Variants in NPC1L1 observed in about 807,000 individuals in gnomAD.
NPC1L1 encodes the protein NPC1 like intracellular cholesterol transporter 1.
In NPC1L1, 98 loss-of-function variants were observed where a neutral mutation model predicts 117.0. The observed-to-expected ratio is 0.84, with a 90% confidence interval of 0.71 to 0.99. The LOEUF (loss-of-function observed/expected upper bound fraction) is 0.99. Ranked by LOEUF, NPC1L1 falls within the 50% of genes least tolerant of loss-of-function variation. The pLI, the probability that NPC1L1 is intolerant of heterozygous loss-of-function variation, is 0.00. For synonymous variants in NPC1L1, 729 were observed against 727.6 expected (o/e 1.00, Z -0.03); for missense variants, 1,540 against 1,710.0 (o/e 0.90, Z 1.75).
At position 44,521,838 on chromosome 7, in the gene NPC1L1, T is replaced by C; in HGVS notation, c.2829-2A>G. On this transcript the variant is annotated splice_acceptor_variant, in intron 11 of 18. Transcript: ENST00000381160. LOFTEE classifies it high-confidence loss of function. Reference sequence around the variant, plus strand: ...GAGGCAGGGATGGCCAGGTAAGACCTAAGGGGCAGGTGGGAGGAAGGGTGA... The same window carrying C: ...GAGGCAGGGATGGCCAGGTAAGACCCAAGGGGCAGGTGGGAGGAAGGGTGA... 3.1e-6 allele frequency: 5 copies of C among 1,613,954 alleles called. No individual in the cohort carries two copies. The highest frequency in any genetic ancestry group is 4.2e-6 in the Non-Finnish European group (5 of 1,179,968).
At chr7:44,527,657 G>A (rs1227889810) in intron 10 of NPC1L1, among the ~76,000 whole-genome samples, 1 of 151,878 alleles carries the variant, frequency 6.6e-6, no homozygotes, top group East Asian at 1.9e-4. Context: ...CTCAGCCTGG[G>A]CAACAGAGCA....
rs1010611067 is a variant in NPC1L1, at chr7:44,536,501, T to C, written c.1682-73A>G. 6.8e-5 allele frequency: 102 copies of C among 1,502,266 alleles called. No individual in the cohort carries two copies. The highest frequency in any genetic ancestry group is 1.1e-4 in the African/African-American group (8 of 72,370). The allele number at this position is 1,502,266 out of a possible 1,614,324, so 93.1% of individuals were successfully genotyped here. On this transcript the variant is annotated intron_variant, in intron 3 of 18. Transcript: ENST00000381160. This position sits in a 1 kb window ranked among gnomAD's most constrained non-coding sequence, Gnocchi z 4.7. The stretch of plus-strand genomic sequence containing the variant: ...TCCCCCTCCAGCTGCACCCCTATAT[T>C]CCCTCCCCCTATCTAGCTGCACCCC...
chr7:44,521,267 G>A, intron 12 of NPC1L1, 149 bp from the exon 13 acceptor site: 1 of 1,114,316 alleles, frequency 9.0e-7, no homozygotes, highest in Non-Finnish European at 1.3e-6. Context: ...TGTCATTTGT[G>A]GGAGAAGTTC....
Position 44,527,398 on chromosome 7 carries a change from G to A in NPC1L1, c.2637+4357C>T, listed in dbSNP as rs754069656. ...CTTGAACTCGGGAGGCAGAGGTTGC[G>A]GTGAGCTGAGATCATGCCACTGCAC... On this transcript the variant is annotated intron_variant, in intron 10 of 18. Coordinates refer to ENST00000381160, the MANE Select transcript of NPC1L1 (RefSeq NM_001101648.2). Among the ~76,000 whole-genome samples the A allele has an allele frequency of 2.4e-4, 36 of 147,760 alleles. 1 individual carries two copies. The highest frequency in any genetic ancestry group is 3.4e-3 in the Middle Eastern group (1 of 296).
At position 44,521,122 on chromosome 7, in the gene NPC1L1, C is replaced by G; in HGVS notation, c.2954-4G>C. The G allele has an allele frequency of 6.2e-7, 1 of 1,614,100 alleles. No individual in the cohort carries two copies. Among genetic ancestry groups the G allele is most frequent in the Non-Finnish European group, 8.5e-7 (1 of 1,180,042 alleles). ...TTCTTTAGGCAGTTCAGAGAGTCTG[C>G]AGAGAAAGCAGGGGTCTGGGCAGTG... On this transcript the variant is annotated splice_polypyrimidine_tract_variant and splice_region_variant and intron_variant, in intron 12 of 18. Coordinates refer to ENST00000381160, the MANE Select transcript of NPC1L1 (RefSeq NM_001101648.2).
chr7:44,535,060 C>T (rs1353868490), intron 5 of NPC1L1, among the ~76,000 whole-genome samples: 2 of 151,626 alleles, frequency 1.3e-5, no homozygotes, highest in African/African-American at 4.8e-5. Context: ...AAGCGAGACC[C>T]CATCTCTACA....
intron 10 of NPC1L1, among the ~76,000 whole-genome samples, chr7:44,527,598 T>A (rs1801562689): frequency 6.6e-6 from 1 of 152,104 alleles, no homozygotes; most frequent in Non-Finnish European, 1.5e-5. Context: ...GAGGATCTTT[T>A]GAGGCCAGGA....
rs1293774804 is a variant in NPC1L1 at position 44,516,713 on chromosome 7, T to C, written c.3509A>G (p.Asn1170Ser). The change falls in exon 16 of 19, where the codon AAC becomes AGC. Residue 1170 changes from asparagine (N) to serine (S), a missense_variant. By Grantham distance (46) the Asn-to-Ser change is conservative. Transcript: ENST00000381160. The part of the protein sequence containing the change: ...GISYNAVSLI[N>S]LVSAVGMSVE... ...TGTCTGCTGGGTTACCGAGACCAGG[T>C]TGATGAGGGACACAGCATTGTAACT... 1 of 1,609,174 alleles carries C rather than the reference T, an allele frequency of 6.2e-7. No individual in the cohort carries two copies. The highest frequency in any genetic ancestry group is 8.5e-7 in the Non-Finnish European group (1 of 1,177,926).
intron 10 of NPC1L1, among the ~76,000 whole-genome samples, chr7:44,522,596 G>A (rs1025472787): frequency 1.3e-5 from 2 of 152,078 alleles, no homozygotes; most frequent in African/African-American, 4.8e-5. Context: ...ACACTCAGGG[G>A]TACCCTCAAG....
At chr7:44,519,558 G>T (rs1801289636) in intron 14 of NPC1L1, among the ~76,000 whole-genome samples, 2 of 152,182 alleles carry the variant, frequency 1.3e-5, no homozygotes, top group Admixed American at 1.3e-4. Flanking sequence ...TCAGCCAGCA[G>T]TTCAAACTAT....
intron 10 of NPC1L1, among the ~76,000 whole-genome samples, chr7:44,523,212 C>G (rs958773582): frequency 1.2e-4 from 18 of 152,132 alleles, no homozygotes; most frequent in Admixed American, 9.8e-4. Context: ...TGTGCCACCG[C>G]TCCCAGCTGA....
chr7:44,527,001 G>A (rs1309924012), intron 10 of NPC1L1, among the ~76,000 whole-genome samples: 2 of 152,064 alleles, frequency 1.3e-5, no homozygotes, highest in Non-Finnish European at 2.9e-5. Context: ...TCCAGCCTGG[G>A]CGACAAGAGT....
In NPC1L1 at chr7:44,533,611, T is replaced by C. The variant is rs199857037; in HGVS notation, c.2282-53A>G. 41 of 1,613,512 alleles carry C rather than the reference T, an allele frequency of 2.5e-5. No individual in the cohort carries two copies. In the Admixed American group the frequency reaches 3.3e-4, roughly 13 times the overall value. ...CACCCTGGCTTCAAGGGCAGAGTGG[T>C]AGCCGACATTGACAGGGTGCAGGGG... On this transcript the variant is annotated intron_variant, in intron 7 of 18. Transcript: ENST00000381160.
In NPC1L1 at chr7:44,539,353, C is replaced by T. The variant is rs747696584; in HGVS notation, c.1044G>A (p.Val348=). The T allele has an allele frequency of 4.1e-5, 66 of 1,613,254 alleles. No homozygotes were observed. The highest frequency in any genetic ancestry group is 5.5e-5 in the Non-Finnish European group (65 of 1,179,428). ...GQFFQGWGTW[V]ASWPLTILVL... is the part of the protein sequence containing the mutation. ...CCAAGATGGTCAGAGGCCACGAAGC[C>T]ACCCACGTGCCCCAGCCCTGGAAGA... Residue 348 remains valine (V), a synonymous_variant, in exon 2 of 19, where the codon GTG becomes GTA. Transcript: ENST00000381160. This position sits in a 1 kb window ranked among gnomAD's most constrained non-coding sequence, Gnocchi z 4.4.
rs773685869 is a variant in NPC1L1, at chr7:44,535,881, A to C, written c.1942T>G (p.Ser648Ala). The C allele has an allele frequency of 6.2e-7, 1 of 1,613,394 alleles. No homozygotes were observed. The highest frequency in any genetic ancestry group is 1.7e-5 in the Admixed American group (1 of 60,020). Residue 648 changes from serine (S) to alanine (A), a missense_variant, in exon 5 of 19, where the codon TCT becomes GCT. Transcript: ENST00000381160. ...CTGGAATAGCTGCCCAGGGCCAGAG[A>C]GATGTACAGGAATATGACAATGTAG... is the stretch of plus-strand genomic sequence containing the variant. ...TSYIVIFLYISLALGSYSSWS... is the reference protein window; with the variant it reads ...TSYIVIFLYIALALGSYSSWS...
At chr7:44,520,155 C>T (rs1801310013) in intron 14 of NPC1L1, among the ~76,000 whole-genome samples, 1 of 152,084 alleles carries the variant, frequency 6.6e-6, no homozygotes, top group South Asian at 2.1e-4. Context: ...TGGTATGCTC[C>T]TATAGTCCCA....
In NPC1L1 at chr7:44,539,314, G is replaced by A; in HGVS notation, c.1083C>T (p.Ile361=). ...WPLTILVLSV[I]PVVALAAGLV... ...GGCCCGCTGCCAAGGCCACCACCGG[G>A]ATGACAGATAGCACCAAGATGGTCA... The change falls in exon 2 of 19, where the codon ATC becomes ATT. Residue 361 remains isoleucine (I), a synonymous_variant. Coordinates refer to ENST00000381160, the MANE Select transcript of NPC1L1 (RefSeq NM_001101648.2). The surrounding 1 kb of genome is among the most constrained non-coding windows in gnomAD (Gnocchi z 4.4). The A allele has an allele frequency of 6.2e-7, 1 of 1,614,066 alleles. No homozygotes were observed. The highest frequency in any genetic ancestry group is 8.5e-7 in the Non-Finnish European group (1 of 1,179,998).
In NPC1L1 at chr7:44,521,813, G is replaced by A; in HGVS notation, c.2852C>T (p.Ser951Phe). The A allele has an allele frequency of 6.2e-7, 1 of 1,614,220 alleles. No individual in the cohort carries two copies. Among genetic ancestry groups the A allele is most frequent in the South Asian group, 1.1e-5 (1 of 91,088 alleles). The change falls in exon 12 of 19, where the codon TCC becomes TTC. Residue 951 changes from serine (S) to phenylalanine (F), a missense_variant. This residue lies in a region of NPC1L1 where 742 missense variants were observed against 873.6 expected (regional missense o/e 0.85). Transcript: ENST00000381160. ...GTCAATGAAGTCATCCACCCAGGAG[G>A]AGGCAGGGATGGCCAGGTAAGACCT... ...PEQSYLAIPASSWVDDFIDWL... is the reference protein window; with the variant it reads ...PEQSYLAIPAFSWVDDFIDWL...
At chr7:44,521,673 G>A (rs752603237) in intron 12 of NPC1L1, 39 bp downstream of exon 12, 1 of 1,613,748 alleles carries the variant, frequency 6.2e-7, no homozygotes, top group Admixed American at 1.7e-5. Context: ...GTTTGCCCGA[G>A]CTGTGGTGGA....
Sources: gnomAD v4.1 joint callset for allele counts (sites outside exome capture counted in the v4.1 genomes callset) on GRCh38, gnomAD v4.1.1 for gene constraint, gnomAD v4.1.1 regional missense constraint, Gnocchi (gnomAD v3.1) non-coding constraint, MANE v1.5 for transcripts, NCBI Gene and HGNC (gene_info 2026-07-23, HGNC 2026-07-21) for gene names.